The following KSR2 variants were observed in gnomAD, a reference collection of about 807,000 sequenced individuals.
KSR2 encodes kinase suppressor of ras 2.
KSR2 carries 25 observed loss-of-function variants against 107.8 expected under a neutral mutation model. The observed-to-expected ratio is 0.23, with a 90% CI of 0.17 to 0.32. The LOEUF (loss-of-function observed/expected upper bound fraction) is 0.32. Ranked by LOEUF, KSR2 falls within the 10% of genes least tolerant of loss-of-function variation. The pLI is 1.00. For missense variants in KSR2, 887 were observed against 1,268.9 expected (o/e 0.70, Z 4.57); for synonymous variants, 480 against 507.0 (o/e 0.95, Z 0.71).
intron 14 of KSR2, among the ~76,000 whole-genome samples, chr12:117,487,058 C>T (rs1872505671): frequency 1.3e-5 from 2 of 152,032 alleles, no homozygotes; most frequent in South Asian, 4.1e-4. Flanking sequence ...CAGCTGCTGC[C>T]TTTCTGGGTT....
intron 1 of KSR2, among the ~76,000 whole-genome samples, chr12:117,911,352 A>G (rs1895009339): frequency 6.6e-6 from 1 of 152,168 alleles, no homozygotes; most frequent in African/African-American, 2.4e-5. Context: ...GTCATCTGTC[A>G]TGAGAAGAGC....
At chr12:117,559,147 G>T (rs1429479935) in intron 7 of KSR2, among the ~76,000 whole-genome samples, 1 of 152,030 alleles carries the variant, frequency 6.6e-6, no homozygotes, top group Admixed American at 6.5e-5. Context: ...GAAAGCTCTG[G>T]GTGCTGTGGA....
At chr12:117,791,327 G>A (rs533034142) in intron 3 of KSR2, among the ~76,000 whole-genome samples, 107 of 152,162 alleles carry the variant, frequency 7.0e-4, no homozygotes, top group Non-Finnish European at 9.7e-4. Flanking sequence ...AGTCACTCCC[G>A]ATTATATCAA....
chr12:117,894,833 C>G (rs896540117), intron 1 of KSR2, among the ~76,000 whole-genome samples: 3 of 151,404 alleles, frequency 2.0e-5, no homozygotes, highest in Non-Finnish European at 4.4e-5. Flanking sequence ...CCTAAGGCCT[C>G]CCCACCAATG....
intron 3 of KSR2, among the ~76,000 whole-genome samples, chr12:117,798,305 C>A (rs887498221): frequency 5.9e-5 from 9 of 152,162 alleles, no homozygotes; most frequent in Non-Finnish European, 1.0e-4. Context: ...GCAGGCTAAT[C>A]AAGTCTTGAG....
Position 117,467,019 on chromosome 12 carries a change from A to G in KSR2, c.*180T>C, listed in dbSNP as rs974453170. On this transcript the variant is annotated 3_prime_UTR_variant, in exon 20 of 20. Transcript: ENST00000339824. ...CGGGGGTCCCCAACCCTGCCCGAGG[A>G]AAAGGGCTCAAGTCTGAGGTGCAGG... 1 of 475,648 alleles carries G rather than the reference A, an allele frequency of 2.1e-6. No individual in the cohort carries two copies. Among genetic ancestry groups the G allele is most frequent in the Non-Finnish European group, 3.7e-6 (1 of 269,288 alleles). The allele number at this position is 475,648 out of a possible 1,614,324, so 29.5% of individuals were successfully genotyped here. A position where few individuals can be genotyped will look rare whatever the true frequency, so the allele number is the denominator to read the frequency against.
At chr12:117,682,275 G>T (rs566110819) in intron 4 of KSR2, among the ~76,000 whole-genome samples, 2 of 152,014 alleles carry the variant, frequency 1.3e-5, no homozygotes, top group Admixed American at 6.6e-5. Context: ...TTGCGGGGGC[G>T]GGGGGAGAGA....
At chr12:117,606,087 T>C (rs1330664432) in intron 5 of KSR2, among the ~76,000 whole-genome samples, 1 of 152,074 alleles carries the variant, frequency 6.6e-6, no homozygotes, top group Non-Finnish European at 1.5e-5. Flanking sequence ...AATGCTGTGA[T>C]TAGATGCTTG....
chr12:117,647,668 A>T (rs1471732395), intron 5 of KSR2, among the ~76,000 whole-genome samples: 1 of 152,122 alleles, frequency 6.6e-6, no homozygotes, highest in African/African-American at 2.4e-5. Context: ...GCTGGAGATC[A>T]GGGGAGGGGC....
At chr12:117,602,642 C>A (rs1353011905) in intron 5 of KSR2, among the ~76,000 whole-genome samples, 1 of 152,142 alleles carries the variant, frequency 6.6e-6, no homozygotes, top group Non-Finnish European at 1.5e-5. Flanking sequence ...ATTTGTTTAT[C>A]CACTCATCTG....
intron 4 of KSR2, among the ~76,000 whole-genome samples, chr12:117,696,732 C>T (rs1886075626): frequency 6.6e-6 from 1 of 152,266 alleles, no homozygotes; most frequent in South Asian, 2.1e-4. Context: ...GAGTGATTAC[C>T]AGGCATCCAA....
At chr12:117,764,189 C>G (rs1410366468) in intron 3 of KSR2, among the ~76,000 whole-genome samples, 1 of 150,642 alleles carries the variant, frequency 6.6e-6, no homozygotes, top group African/African-American at 2.4e-5. Context: ...TACAGCCTAG[C>G]CATCATCCCT....
intron 16 of KSR2, among the ~76,000 whole-genome samples, chr12:117,478,171 C>A: frequency 6.6e-6 from 1 of 152,144 alleles, no homozygotes; most frequent in East Asian, 1.9e-4. Context: ...GGACCTGGGG[C>A]TAGCTAGATT....
chr12:117,891,549 A>G (rs11068716), intron 1 of KSR2, among the ~76,000 whole-genome samples: 60,360 of 151,948 alleles, frequency 0.4, 14,722 homozygotes, highest in East Asian at 0.87. Flanking sequence ...ACCAGCCTGG[A>G]CAACAGAATG....
chr12:117,834,438 T>TG (rs1892114991), intron 3 of KSR2, among the ~76,000 whole-genome samples: 1 of 92,206 alleles, frequency 1.1e-5, no homozygotes, highest in Non-Finnish European at 2.0e-5. Context: ...ATACTGGGGG[T>TG]GGGGGGCGGG....
intron 4 of KSR2, among the ~76,000 whole-genome samples, chr12:117,686,049 CT>C (rs11317340): frequency 0.67 from 100,194 of 150,582 alleles, 33,626 homozygotes; most frequent in Middle Eastern, 0.75. Flanking sequence ...CATTTTATTC[CT>C]TTTTTTTTCT....
intron 16 of KSR2, among the ~76,000 whole-genome samples, chr12:117,483,610 GA>G (rs1327301095): frequency 1.3e-5 from 2 of 152,184 alleles, no homozygotes; most frequent in Non-Finnish European, 2.9e-5. Flanking sequence ...CACAAGGGTA[GA>G]CTTTCTGAAT....
chr12:117,785,139 G>T (rs776094282), intron 3 of KSR2, among the ~76,000 whole-genome samples: 1 of 152,186 alleles, frequency 6.6e-6, no homozygotes, highest in African/African-American at 2.4e-5. Flanking sequence ...AACAGGCTGG[G>T]CATGATGGCT....
chr12:117,469,943 A>G, intron 18 of KSR2, 148 bp from the exon 19 acceptor site: 1 of 738,686 alleles, frequency 1.4e-6, no homozygotes. Flanking sequence ...CCATCCATCC[A>G]CCCATCCGGT....
Sources: gnomAD v4.1 joint callset for allele counts (sites outside exome capture counted in the v4.1 genomes callset) on GRCh38, gnomAD v4.1.1 for gene constraint, MANE v1.5 for transcripts, NCBI Gene and HGNC (gene_info 2026-07-23, HGNC 2026-07-21) for gene names.